The following TMPRSS13 variants were observed in gnomAD, a reference collection of about 807,000 sequenced individuals.
TMPRSS13 encodes the protein transmembrane serine protease 13, also known as transmembrane protease serine 13.
Under a neutral mutation model 68.4 loss-of-function variants are expected in TMPRSS13, and 50 were observed. That is an observed-to-expected ratio of 0.73 (90% CI 0.58 to 0.93). TMPRSS13 has a LOEUF of 0.93. Ranked by LOEUF, TMPRSS13 falls within the 40% of genes least tolerant of loss-of-function variation. TMPRSS13 has a pLI of 0.00. For missense variants in TMPRSS13, 615 were observed against 729.2 expected, an observed-to-expected ratio of 0.84 and a Z score of 1.80; for synonymous variants, 267 against 285.8, an observed-to-expected ratio of 0.93 and a Z score of 0.66.
At chr11:117,905,800 G>T in intron 9 of TMPRSS13, 64 bp from the exon 10 acceptor site, 1 of 1,350,514 alleles carries the variant, frequency 7.4e-7, no homozygotes, top group Non-Finnish European at 1.0e-6. Flanking sequence ...GGGGGAGGGA[G>T]AAGGAGCACA....
chr11:117,902,916 G>T, intron 12 of TMPRSS13: 2 of 978,096 alleles, frequency 2.0e-6, no homozygotes, highest in Non-Finnish European at 2.5e-6. Flanking sequence ...ACTCTCTAGG[G>T]TGGATCAAGT....
At chr11:117,904,630 A>G (rs1271170) in intron 10 of TMPRSS13, among the ~76,000 whole-genome samples, 101,404 of 151,582 alleles carry the variant, frequency 0.67, 34,041 homozygotes, top group Middle Eastern at 0.79. Flanking sequence ...GTCCTGATGC[A>G]TGGAAGTGGC....
chr11:117,902,284 G>A lies in TMPRSS13; in HGVS notation c.1678-19C>T. ...CCTCGCTCTGAGGAAGAGAATGGGAGAAGAGGGTGAGGGTGGGCCAGGTGG... is the reference window on the plus strand; with the variant it reads ...CCTCGCTCTGAGGAAGAGAATGGGAAAAGAGGGTGAGGGTGGGCCAGGTGG... On this transcript the variant is annotated intron_variant, in intron 12 of 12. Coordinates refer to ENST00000524993, the MANE Select transcript of TMPRSS13 (RefSeq NM_001077263.3). 2 of 1,613,480 alleles carry A rather than the reference G, an allele frequency of 1.2e-6. No individual in the cohort carries two copies. Among genetic ancestry groups the A allele is most frequent in the South Asian group, 1.1e-5 (1 of 91,080 alleles).
rs2057612519 is a variant in TMPRSS13, at chr11:117,918,817, G to T, written c.43C>A (p.Pro15Thr). ...TGGGCTGGAGATGCTCCAGCTGAAG[G>T]TGTTCTTGCTGGAGATGCATTCTGA... ...SHGNASPARTPSAGASPAQAS... is the reference protein window; with the variant it reads ...SHGNASPARTTSAGASPAQAS... The change falls in exon 2 of 13, where the codon CCT becomes ACT. Residue 15 changes from proline (P) to threonine (T), a missense_variant. Physicochemically the swap from Pro to Thr is conservative, Grantham distance 38. Coordinates refer to ENST00000524993, the MANE Select transcript of TMPRSS13 (RefSeq NM_001077263.3). 1.2e-6 allele frequency: 2 copies of T among 1,613,658 alleles called. No homozygotes were observed. The highest frequency in any genetic ancestry group is 1.1e-5 in the South Asian group (1 of 91,072).
Position 117,914,509 on chromosome 11 carries a change from A to G in TMPRSS13, c.562T>C (p.Phe188Leu), listed in dbSNP as rs1285495290. ...LVVSLIILFQFWQGHTGIRYK... is the reference protein window; with the variant it reads ...LVVSLIILFQLWQGHTGIRYK... ...CTGATCCCTGTGTGGCCCTGCCAGA[A>G]CTGGACTAGAGAAAAAGAAGCAGAC... is the stretch of plus-strand genomic sequence containing the variant. Residue 188 changes from phenylalanine (F) to leucine (L), a missense_variant, in exon 4 of 13, where the codon TTC (phenylalanine) becomes CTC (leucine). By Grantham distance (22) the Phe-to-Leu change is conservative. Coordinates refer to ENST00000524993, the MANE Select transcript of TMPRSS13 (RefSeq NM_001077263.3). The surrounding 1 kb of genome is among the most constrained non-coding windows in gnomAD (Gnocchi z 4.2). 7 of 1,613,782 alleles carry G rather than the reference A, an allele frequency of 4.3e-6. No homozygotes were observed. The highest frequency in any genetic ancestry group is 5.1e-6 in the Non-Finnish European group (6 of 1,180,006).
intron 1 of TMPRSS13, among the ~76,000 whole-genome samples, chr11:117,921,264 C>T (rs10892193): frequency 0.22 from 33,580 of 152,094 alleles, 3,871 homozygotes; most frequent in East Asian, 0.3. Context: ...CTTCAGGGCT[C>T]GTATGTGCAG....
Position 117,918,958 on chromosome 11 carries a change from C to T in TMPRSS13, c.22-120G>A, listed in dbSNP as rs144233199. 321 of 1,386,070 alleles carry T rather than the reference C, an allele frequency of 2.3e-4. 1 individual carries two copies. The African/African-American group carries it at 3.9e-3, about 17-fold the overall frequency. 85.9% of individuals were successfully genotyped at this position (1,386,070 alleles called of 1,614,324 possible). A position where few individuals can be genotyped will look rare whatever the true frequency, so the allele number is the denominator to read the frequency against. Reference sequence around the variant, plus strand: ...CAGCAGCTAGGGGTTGAGCAAAGCCCCCCGGACAAGGAAGCATCTGAGAGG... The same window carrying T: ...CAGCAGCTAGGGGTTGAGCAAAGCCTCCCGGACAAGGAAGCATCTGAGAGG... On this transcript the variant is annotated intron_variant, in intron 1 of 12. Coordinates refer to ENST00000524993, the MANE Select transcript of TMPRSS13 (RefSeq NM_001077263.3).
chr11:117,927,721 T>A (rs1034055909), intron 1 of TMPRSS13, among the ~76,000 whole-genome samples: 19 of 152,304 alleles, frequency 1.2e-4, no homozygotes, highest in African/African-American at 4.1e-4. Flanking sequence ...CAGATGGGAA[T>A]ACGAGCCCCA....
chr11:117,909,090 C>T (rs1565346906), intron 8 of TMPRSS13, among the ~76,000 whole-genome samples: 1 of 152,162 alleles, frequency 6.6e-6, no homozygotes. Context: ...AAATAGGAGA[C>T]TTTGACTTCT....
chr11:117,907,831 C>G (rs1481140173), intron 9 of TMPRSS13: 1 of 985,304 alleles, frequency 1.0e-6, no homozygotes, highest in Non-Finnish European at 1.2e-6. Flanking sequence ...CTATTTGCAA[C>G]TGTACTATAG....
intron 1 of TMPRSS13, among the ~76,000 whole-genome samples, 175 bp downstream of exon 1, chr11:117,929,112 C>G (rs2057734468): frequency 6.6e-6 from 1 of 152,144 alleles, no homozygotes; most frequent in South Asian, 2.1e-4. Context: ...TTTTCTAGAA[C>G]CACGTTAAAA....
intron 7 of TMPRSS13, among the ~76,000 whole-genome samples, chr11:117,910,202 G>A (rs909223152): frequency 1.3e-5 from 2 of 152,070 alleles, no homozygotes; most frequent in African/African-American, 2.4e-5. Context: ...ATCATTCCGC[G>A]GAAAGTTTGA....
At chr11:117,913,941 G>C in intron 4 of TMPRSS13, 35 bp from the exon 5 acceptor site, 4 of 1,606,974 alleles carry the variant, frequency 2.5e-6, no homozygotes, top group Non-Finnish European at 3.4e-6. Context: ...CAGGTCCTCA[G>C]CACCTAGGAA....
At chr11:117,924,240 T>C (rs7107154) in intron 1 of TMPRSS13, among the ~76,000 whole-genome samples, 12,337 of 68,152 alleles carry the variant, frequency 0.18, 1,644 homozygotes, top group African/African-American at 0.4. Context: ...GTTGAGGCGA[T>C]GAAGGCCCAG....
rs926498995 is a variant in TMPRSS13, at chr11:117,903,081, T to G, written c.1677+574A>C. 51 of 1,176,222 alleles carry G rather than the reference T, an allele frequency of 4.3e-5. No individual in the cohort carries two copies. In the African/African-American group the frequency reaches 7.5e-4, roughly 17 times the overall value. The allele number at this position is 1,176,222 out of a possible 1,614,324, so 72.9% of individuals were successfully genotyped here. ...TTTATTACTTTATACTCTTTTATGA[T>G]AGTAGTGAGGTTCTGATGAAATATT... On this transcript the variant is annotated intron_variant, in intron 12 of 12. Transcript: ENST00000524993.
chr11:117,923,450 C>T (rs866444493), intron 1 of TMPRSS13, among the ~76,000 whole-genome samples: 43 of 152,150 alleles, frequency 2.8e-4, no homozygotes, highest in African/African-American at 1.0e-3. Flanking sequence ...GTGATGTGGG[C>T]TCATGGTTGC....
intron 1 of TMPRSS13, among the ~76,000 whole-genome samples, chr11:117,927,872 C>T (rs1183984439): frequency 6.6e-6 from 1 of 152,168 alleles, no homozygotes; most frequent in East Asian, 1.9e-4. Flanking sequence ...TGGCACCTAT[C>T]ATAATATTTG....
chr11:117,905,458 C>T (rs566348237), intron 10 of TMPRSS13, among the ~76,000 whole-genome samples, 180 bp downstream of exon 10: 7 of 152,168 alleles, frequency 4.6e-5, no homozygotes, highest in African/African-American at 9.6e-5. Flanking sequence ...GTGACTGCAC[C>T]GGCATATACT....
chr11:117,927,447 G>A (rs144481632), intron 1 of TMPRSS13, among the ~76,000 whole-genome samples: 1 of 152,276 alleles, frequency 6.6e-6, no homozygotes, highest in African/African-American at 2.4e-5. Flanking sequence ...TGTCCACCAC[G>A]ACATGCAACT....
Sources: gnomAD v4.1 joint callset for allele counts (sites outside exome capture counted in the v4.1 genomes callset) on GRCh38, gnomAD v4.1.1 for gene constraint, Gnocchi (gnomAD v3.1) non-coding constraint, MANE v1.5 for transcripts, NCBI Gene and HGNC (gene_info 2026-07-23, HGNC 2026-07-21) for gene names.